Variants in SLC25A28 observed in about 807,000 individuals in gnomAD.
SLC25A28 encodes mitoferrin-2.
Under a neutral mutation model 31.9 loss-of-function variants are expected in SLC25A28, and 10 were observed. That is an observed-to-expected ratio of 0.31 (90% confidence interval 0.19 to 0.53). The LOEUF is 0.53. SLC25A28 is among the 20% of genes least tolerant of loss of function. SLC25A28 has a pLI of 0.95. For synonymous variants in SLC25A28, 208 were observed against 203.6 expected (o/e 1.02, Z -0.19); for missense variants, 256 against 490.3 (o/e 0.52, Z 4.51).
upstream of SLC25A28, chr10:99,621,995 T>G (rs892521608): frequency 6.6e-6 from 1 of 152,064 alleles, no homozygotes; most frequent in African/African-American, 2.4e-5. Context: ...GAAGGTGCCA[T>G]GTGGACACCC....
In SLC25A28 at chr10:99,613,235, T is replaced by C. The variant is rs992298791; in HGVS notation, c.520+461A>G. 6.6e-6 allele frequency among the ~76,000 whole-genome samples: 1 copy of C among 152,176 alleles called. No homozygotes were observed. Among genetic ancestry groups the C allele is most frequent in the African/African-American group, 2.4e-5 (1 of 41,434 alleles). Reference sequence around the variant, plus strand: ...CATTTTGTCATGAGGCTTTGTCATGTTCTCAACACAAACTGCCTCTGGTGA... The same window carrying C: ...CATTTTGTCATGAGGCTTTGTCATGCTCTCAACACAAACTGCCTCTGGTGA... On this transcript the variant is annotated intron_variant, in intron 2 of 3. Coordinates refer to ENST00000370495, the MANE Select transcript of SLC25A28 (RefSeq NM_031212.4). The surrounding 1 kb of genome is among the most constrained non-coding windows in gnomAD (Gnocchi z 4.9).
intron 1 of SLC25A28, chr10:99,617,835 C>T (rs2034693283): frequency 1.1e-6 from 1 of 944,844 alleles, no homozygotes; most frequent in Non-Finnish European, 1.3e-6. Flanking sequence ...TTTTAAAAAA[C>T]AAAAATTCCA....
chr10:99,635,478 G>A, the SLC25A28 span, among the ~76,000 whole-genome samples: 1 of 151,100 alleles, frequency 6.6e-6, no homozygotes, highest in South Asian at 2.1e-4. Context: ...TCAGGAGATT[G>A]AGACCATCCT....
the SLC25A28 span, among the ~76,000 whole-genome samples, chr10:99,626,428 C>A: frequency 1.1e-3 from 175 of 152,328 alleles, no homozygotes; most frequent in African/African-American, 4.1e-3. Context: ...AATTAATTTG[C>A]TACTCCTCAT....
At chr10:99,640,090 G>T in the SLC25A28 span, among the ~76,000 whole-genome samples, 1 of 152,160 alleles carries the variant, frequency 6.6e-6, no homozygotes, top group Non-Finnish European at 1.5e-5. Context: ...ATTTATGAGC[G>T]GCTCACTATG....
chr10:99,614,162 T>C (rs986005256), intron 1 of SLC25A28, among the ~76,000 whole-genome samples: 2 of 152,228 alleles, frequency 1.3e-5, no homozygotes, highest in African/African-American at 4.8e-5. Flanking sequence ...TAATCCCACC[T>C]ATTGCTAAGT....
At chr10:99,644,736 G>T in the SLC25A28 span, among the ~76,000 whole-genome samples, 1 of 152,180 alleles carries the variant, frequency 6.6e-6, no homozygotes, top group Admixed American at 6.5e-5. Context: ...AGGAGCTCTT[G>T]TAAGGCAGGC....
At chr10:99,642,631 C>T in the SLC25A28 span, among the ~76,000 whole-genome samples, 1 of 152,116 alleles carries the variant, frequency 6.6e-6, no homozygotes, top group Non-Finnish European at 1.5e-5. Context: ...AGAGGGCATC[C>T]CTGTCTCGTG....
At chr10:99,651,154 C>T in the SLC25A28 span, among the ~76,000 whole-genome samples, 2 of 152,138 alleles carry the variant, frequency 1.3e-5, no homozygotes, top group African/African-American at 4.8e-5. Context: ...TCTGGTGCTT[C>T]CCATCACTTC....
intron 1 of SLC25A28, among the ~76,000 whole-genome samples, chr10:99,614,348 G>C (rs949390924): frequency 6.6e-6 from 1 of 152,120 alleles, no homozygotes; most frequent in African/African-American, 2.4e-5. Context: ...AGTGCCCCTG[G>C]CCCTGCTTCA....
At chr10:99,636,388 G>A in the SLC25A28 span, among the ~76,000 whole-genome samples, 4 of 152,170 alleles carry the variant, frequency 2.6e-5, no homozygotes, top group East Asian at 1.9e-4. Context: ...GGTCAAAAAC[G>A]AATGGAAATT....
At chr10:99,619,339 CTT>C (rs1280082292) in intron 1 of SLC25A28, 2 of 985,420 alleles carry the variant, frequency 2.0e-6, no homozygotes, top group Non-Finnish European at 2.4e-6. Context: ...TTTCATCTCT[CTT>C]GTTTGGAGGC....
At chr10:99,643,735 A>G in the SLC25A28 span, among the ~76,000 whole-genome samples, 24 of 152,130 alleles carry the variant, frequency 1.6e-4, no homozygotes, top group Admixed American at 1.6e-3. Context: ...ACACTGCTTT[A>G]AATGTGTCCC....
chr10:99,649,665 T>C, the SLC25A28 span, among the ~76,000 whole-genome samples: 1 of 152,220 alleles, frequency 6.6e-6, no homozygotes, highest in Non-Finnish European at 1.5e-5. Flanking sequence ...TCAGGAGTTC[T>C]GTTTCTTCCT....
At chr10:99,616,807 T>G (rs2034667315) in intron 1 of SLC25A28, 1 of 939,960 alleles carries the variant, frequency 1.1e-6, no homozygotes, top group African/African-American at 1.8e-5. Flanking sequence ...ACAAGTTATA[T>G]AACTTCCCTA....
upstream of SLC25A28, among the ~76,000 whole-genome samples, chr10:99,624,806 G>C (rs2034853843): frequency 6.6e-6 from 1 of 152,170 alleles, no homozygotes; most frequent in Non-Finnish European, 1.5e-5. Context: ...CTGCACTCCA[G>C]TCTGGGTGAT....
chr10:99,650,782 G>C, the SLC25A28 span, among the ~76,000 whole-genome samples: 1 of 152,072 alleles, frequency 6.6e-6, no homozygotes, highest in Admixed American at 6.5e-5. Context: ...ACTCTCCCAG[G>C]GGTGTGTGAG....
At chr10:99,645,026 TGTGTCTTGGA>T in the SLC25A28 span, among the ~76,000 whole-genome samples, 1 of 152,216 alleles carries the variant, frequency 6.6e-6, no homozygotes, top group Non-Finnish European at 1.5e-5. Context: ...CTGACAATTA[TGTGTCTTGGA>T]GTTGCTCTTC....
At chr10:99,654,135 G>C in the SLC25A28 span, among the ~76,000 whole-genome samples, 1 of 152,126 alleles carries the variant, frequency 6.6e-6, no homozygotes, top group Non-Finnish European at 1.5e-5. Flanking sequence ...AATATGTAAG[G>C]GTTCTGGGTG....
Sources: gnomAD v4.1 joint callset for allele counts (sites outside exome capture counted in the v4.1 genomes callset) on GRCh38, gnomAD v4.1.1 for gene constraint, Gnocchi (gnomAD v3.1) non-coding constraint, MANE v1.5 for transcripts, NCBI Gene and HGNC (gene_info 2026-07-23, HGNC 2026-07-21) for gene names.